WDPCP: variants seen among roughly 807,000 people sequenced by gnomAD.
WDPCP encodes WD repeat containing planar cell polarity effector.
In WDPCP, 71 loss-of-function variants were observed where a neutral mutation model predicts 93.1. That is an observed-to-expected ratio of 0.76 (90% CI 0.63 to 0.93). The LOEUF is 0.93. Ranked by LOEUF, WDPCP falls within the 40% of genes least tolerant of loss-of-function variation. The pLI is 0.00. For synonymous variants in WDPCP, 315 were observed against 315.0 expected (o/e 1.00, Z 0.00); for missense variants, 844 against 887.4 (o/e 0.95, Z 0.62).
chr2:63,204,336 CTTT>C (rs397872785), intron 14 of WDPCP, among the ~76,000 whole-genome samples: 2 of 92,294 alleles, frequency 2.2e-5, no homozygotes, highest in Non-Finnish European at 4.3e-5. Context: ...GCCCGTTTGC[CTTT>C]TTTTTTTTTT....
intron 13 of WDPCP, among the ~76,000 whole-genome samples, chr2:63,292,089 C>A (rs1351892056): frequency 7.4e-6 from 1 of 136,016 alleles, no homozygotes; most frequent in East Asian, 2.3e-4. Flanking sequence ...GCCGAGATCG[C>A]GCCACTGCAC....
At chr2:63,607,778 A>G (rs1248843409) in intron 3 of WDPCP, among the ~76,000 whole-genome samples, 6 of 151,194 alleles carry the variant, frequency 4.0e-5, no homozygotes, top group Non-Finnish European at 8.9e-5. Context: ...TGCTGTGAGC[A>G]GATGGCGCCA....
chr2:63,282,434 G>A (rs920333572), intron 13 of WDPCP, among the ~76,000 whole-genome samples: 3 of 152,198 alleles, frequency 2.0e-5, no homozygotes, highest in Non-Finnish European at 2.9e-5. Context: ...GAACCTGGGA[G>A]GCAGAGGTTG....
chr2:63,497,406 T>A (rs1463740123), intron 1 of WDPCP, among the ~76,000 whole-genome samples: 1 of 152,224 alleles, frequency 6.6e-6, no homozygotes, highest in South Asian at 2.1e-4. Flanking sequence ...ATCTGTGTGA[T>A]TAAGGAGGGG....
intron 9 of WDPCP, among the ~76,000 whole-genome samples, chr2:63,431,993 A>G (rs1462557047): frequency 6.6e-6 from 1 of 152,182 alleles, no homozygotes. Flanking sequence ...AATTGTGGAA[A>G]AAAAAGGAAA....
intron 2 of WDPCP, among the ~76,000 whole-genome samples, chr2:63,723,266 C>G (rs1306356691): frequency 6.7e-6 from 1 of 149,338 alleles, no homozygotes; most frequent in Non-Finnish European, 1.5e-5. Flanking sequence ...GTGAGAAACA[C>G]CCAAGAATTA....
chr2:63,460,873 AC>A (rs1445841276), intron 6 of WDPCP, among the ~76,000 whole-genome samples: 1 of 151,208 alleles, frequency 6.6e-6, no homozygotes, highest in Non-Finnish European at 1.5e-5. Context: ...TGATTCACCC[AC>A]CTCAGCCTCC....
At position 63,604,958 on chromosome 2, in the gene WDPCP, G is replaced by T. The variant is rs1198591216; in HGVS notation, n.488+45701C>A. 4 of 1,320,330 alleles carry T rather than the reference G, an allele frequency of 3.0e-6. No individual in the cohort carries two copies. In the African/African-American group the frequency reaches 5.9e-5, roughly 19 times the overall value. The allele number at this position is 1,320,330 out of a possible 1,614,324, so 81.8% of individuals were successfully genotyped here. On this transcript the variant is annotated intron_variant and non_coding_transcript_variant, in intron 3 of 4. Coordinates refer to the WDPCP transcript ENST00000467687. ...GGACAGAAAACCTTAAAGAGGGCAGGTCTTTCACAGTTGCTCTGATGACTG... is the reference window on the plus strand; with the variant it reads ...GGACAGAAAACCTTAAAGAGGGCAGTTCTTTCACAGTTGCTCTGATGACTG...
intron 1 of WDPCP, among the ~76,000 whole-genome samples, chr2:63,523,712 G>A (rs1703110550): frequency 6.6e-6 from 1 of 152,184 alleles, no homozygotes. Flanking sequence ...AGGAGTTCGA[G>A]ACCAGTTTGG....
intron 2 of WDPCP, among the ~76,000 whole-genome samples, chr2:63,686,319 A>G (rs1668803686): frequency 6.6e-6 from 1 of 152,356 alleles, no homozygotes; most frequent in East Asian, 1.9e-4. Flanking sequence ...TCTGAAAAAG[A>G]AATCAAGAGA....
intron 2 of WDPCP, among the ~76,000 whole-genome samples, chr2:63,705,365 T>G (rs1012115233): frequency 4.6e-5 from 7 of 152,234 alleles, no homozygotes; most frequent in Admixed American, 3.3e-4. Flanking sequence ...TGCTCTTGCT[T>G]CTCTAGTTCT....
intron 2 of WDPCP, among the ~76,000 whole-genome samples, chr2:63,793,916 T>A (rs1368399580): frequency 6.6e-6 from 1 of 151,018 alleles, no homozygotes; most frequent in Non-Finnish European, 1.5e-5. Flanking sequence ...GTGTATCATA[T>A]TGCCATTTTT....
At chr2:63,438,015 T>C in intron 7 of WDPCP, 1 of 1,286,674 alleles carries the variant, frequency 7.8e-7, no homozygotes, top group East Asian at 3.0e-5. Flanking sequence ...TTTTCATCAG[T>C]GAATCTTCTT....
At chr2:63,816,387 T>C (rs1670932876) in intron 1 of WDPCP, among the ~76,000 whole-genome samples, 1 of 152,180 alleles carries the variant, frequency 6.6e-6, no homozygotes, top group South Asian at 2.1e-4. Context: ...AATGTGCCTA[T>C]ATTTGGGAAA....
chr2:63,647,629 G>A (rs1268448974), intron 3 of WDPCP, among the ~76,000 whole-genome samples: 1 of 152,160 alleles, frequency 6.6e-6, no homozygotes, highest in African/African-American at 2.4e-5. Flanking sequence ...AGAGTGAAAG[G>A]AAAGTGACTG....
At chr2:63,504,837 A>G (rs764662170) in intron 1 of WDPCP, among the ~76,000 whole-genome samples, 1 of 152,080 alleles carries the variant, frequency 6.6e-6, no homozygotes, top group Non-Finnish European at 1.5e-5. Flanking sequence ...AAGTAAATTG[A>G]TGTATCTAAA....
chr2:63,365,998 C>G (rs1251629318), intron 12 of WDPCP, among the ~76,000 whole-genome samples: 1 of 152,134 alleles, frequency 6.6e-6, no homozygotes, highest in African/African-American at 2.4e-5. Flanking sequence ...GCTTAGGGAA[C>G]TGAGACTTGA....
At chr2:63,669,339 A>G (rs936072071) in intron 2 of WDPCP, among the ~76,000 whole-genome samples, 5 of 148,716 alleles carry the variant, frequency 3.4e-5, no homozygotes, top group African/African-American at 7.4e-5. Context: ...TTCTTCTACA[A>G]TGTCTAATTT....
intron 12 of WDPCP, among the ~76,000 whole-genome samples, chr2:63,316,700 C>A: frequency 6.6e-6 from 1 of 151,708 alleles, no homozygotes; most frequent in East Asian, 1.9e-4. Flanking sequence ...AAACTAAAAG[C>A]TTCCAGAAAA....
Sources: gnomAD v4.1 joint callset for allele counts (sites outside exome capture counted in the v4.1 genomes callset) on GRCh38, gnomAD v4.1.1 for gene constraint, MANE v1.5 for transcripts, NCBI Gene and HGNC (gene_info 2026-07-23, HGNC 2026-07-21) for gene names.